MFHAS1: variants seen among roughly 807,000 people sequenced by gnomAD.
MFHAS1 encodes malignant fibrous histiocytoma-amplified sequence 1.
A neutral mutation model predicts 70.4 loss-of-function variants in MFHAS1; 50 were observed. The ratio of observed to expected loss-of-function variants is 0.71; its 90% CI spans 0.57 to 0.90. The LOEUF (loss-of-function observed/expected upper bound fraction) is 0.90. Ranked by LOEUF, MFHAS1 falls within the 40% of genes least tolerant of loss-of-function variation. The pLI, the probability that MFHAS1 is intolerant of heterozygous loss-of-function variation, is 0.00. For missense variants in MFHAS1, 1,795 were observed against 1,347.6 expected (o/e 1.33, Z -5.20); for synonymous variants, 952 against 620.0 (o/e 1.54, Z -7.96).
At chr8:8,794,422 G>C (rs1805823963) in intron 2 of MFHAS1, among the ~76,000 whole-genome samples, 1 of 152,136 alleles carries the variant, frequency 6.6e-6, no homozygotes, top group South Asian at 2.1e-4. Context: ...CCATGAATGG[G>C]ACCTTCCCCG....
intron 1 of MFHAS1, among the ~76,000 whole-genome samples, chr8:8,853,058 C>G (rs920536250): frequency 6.6e-6 from 1 of 152,170 alleles, no homozygotes; most frequent in Non-Finnish European, 1.5e-5. Context: ...GCAGCAACTG[C>G]CTGGCTCAGT....
intron 2 of MFHAS1, among the ~76,000 whole-genome samples, chr8:8,796,438 C>G (rs1384399649): frequency 1.3e-5 from 2 of 152,228 alleles, no homozygotes; most frequent in Non-Finnish European, 2.9e-5. Flanking sequence ...AATCCCAGCA[C>G]TTTGGGAGGC....
At chr8:8,874,441 G>A (rs998027780) in intron 1 of MFHAS1, among the ~76,000 whole-genome samples, 3 of 151,974 alleles carry the variant, frequency 2.0e-5, no homozygotes, top group South Asian at 2.1e-4. Context: ...ATTTTGAAGT[G>A]ATCAAATGCG....
intron 1 of MFHAS1, among the ~76,000 whole-genome samples, chr8:8,865,346 A>G (rs1480122423): frequency 6.6e-6 from 1 of 151,854 alleles, no homozygotes; most frequent in Non-Finnish European, 1.5e-5. Context: ...TTATTTCCCC[A>G]TAAAAACCTA....
chr8:8,787,937 A>C (rs1014885974), intron 2 of MFHAS1, among the ~76,000 whole-genome samples: 1 of 152,206 alleles, frequency 6.6e-6, no homozygotes, highest in Non-Finnish European at 1.5e-5. Context: ...ATCTTAGAGA[A>C]AACAACCATC....
intron 1 of MFHAS1, among the ~76,000 whole-genome samples, chr8:8,848,019 C>T (rs1317570086): frequency 6.6e-6 from 1 of 152,210 alleles, no homozygotes; most frequent in African/African-American, 2.4e-5. Flanking sequence ...TTTCCCCATC[C>T]TAGGATAAAA....
intron 2 of MFHAS1, 69 bp downstream of exon 2, chr8:8,797,296 T>TTG: frequency 1.9e-6 from 3 of 1,565,750 alleles, no homozygotes; most frequent in Non-Finnish European, 2.6e-6. Flanking sequence ...ACCTGGATTT[T>TTG]TGTGGTCATA....
At chr8:8,870,427 C>T (rs1336317996) in intron 1 of MFHAS1, among the ~76,000 whole-genome samples, 1 of 152,096 alleles carries the variant, frequency 6.6e-6, no homozygotes, top group Non-Finnish European at 1.5e-5. Flanking sequence ...AATCGCGCCA[C>T]CTCACTCCAG....
intron 1 of MFHAS1, among the ~76,000 whole-genome samples, chr8:8,810,037 AAGTAC>A (rs1806488978): frequency 6.6e-6 from 1 of 152,196 alleles, no homozygotes; most frequent in African/African-American, 2.4e-5. Context: ...CCTGACTTTG[AAGTAC>A]TAAGGGGAAT....
chr8:8,807,172 A>C (rs1806320990), intron 1 of MFHAS1, among the ~76,000 whole-genome samples: 1 of 152,192 alleles, frequency 6.6e-6, no homozygotes, highest in South Asian at 2.1e-4. Flanking sequence ...CCACAAGGGC[A>C]GGGACTATTC....
chr8:8,788,714 G>C (rs1467214936), intron 2 of MFHAS1, among the ~76,000 whole-genome samples: 1 of 152,200 alleles, frequency 6.6e-6, no homozygotes, highest in African/African-American at 2.4e-5. Context: ...GAGACATGAA[G>C]AACAGAGTGA....
chr8:8,812,909 G>T (rs1388372489), intron 1 of MFHAS1, among the ~76,000 whole-genome samples: 1 of 152,174 alleles, frequency 6.6e-6, no homozygotes, highest in African/African-American at 2.4e-5. Flanking sequence ...TGGGGTTACA[G>T]GCGTGCACCA....
At chr8:8,883,961 G>A (rs1034918479) in intron 1 of MFHAS1, among the ~76,000 whole-genome samples, 1 of 150,092 alleles carries the variant, frequency 6.7e-6, no homozygotes, top group Non-Finnish European at 1.5e-5. Context: ...ATTTTGGGAG[G>A]CTGAGTGGGG....
chr8:8,868,618 T>C (rs1186825906), intron 1 of MFHAS1, among the ~76,000 whole-genome samples: 5 of 152,114 alleles, frequency 3.3e-5, no homozygotes, highest in Admixed American at 2.6e-4. Context: ...TTATGGAAGA[T>C]GAGGCCGCTC....
Position 8,890,072 on chromosome 8 carries a change from T to A in MFHAS1, c.2987A>T (p.His996Leu). The A allele has an allele frequency of 6.3e-7, 1 of 1,595,898 alleles. No homozygotes were observed. Among genetic ancestry groups the A allele is most frequent in the East Asian group, 2.2e-5 (1 of 44,558 alleles). ...KCLKRGSPNP[H>L]AFPGELLSQP... The stretch of plus-strand genomic sequence containing the variant: ...CTCTCTCCACTTACCTGGAAAAGCA[T>A]GTGGATTGGGCGATCCTCTCTTAAG... The change falls in exon 1 of 3, where the codon CAT (histidine) becomes CTT (leucine). Residue 996 changes from histidine to leucine, a missense_variant. By Grantham distance (99) the His-to-Leu change is moderately conservative. Transcript: ENST00000276282.
chr8:8,805,705 C>T (rs28399241), intron 1 of MFHAS1, among the ~76,000 whole-genome samples: 99,177 of 151,958 alleles, frequency 0.65, 33,077 homozygotes, highest in East Asian at 0.83. Flanking sequence ...TTTTGTTTTG[C>T]TTTCTTTTTT....
At chr8:8,812,208 G>C (rs1239459247) in intron 1 of MFHAS1, among the ~76,000 whole-genome samples, 2 of 152,098 alleles carry the variant, frequency 1.3e-5, no homozygotes, top group Non-Finnish European at 2.9e-5. Flanking sequence ...CTGAATCGTA[G>C]TTGCAAATGG....
rs10660555 is a variant in MFHAS1 at position 8,884,041 on chromosome 8, AACACACACACACACACACACAC to A, written c.2998+5998_2998+6019del. Reference sequence around the variant, plus strand: ...AAAAAGGCCCTATCTCTATTTCACAAACACACACACACACACACACACACACACACACACACACACAAAAAGA... The same window carrying A: ...AAAAAGGCCCTATCTCTATTTCACAAACACACACACACACACACAAAAAGA... On this transcript the variant is annotated intron_variant, in intron 1 of 2. Coordinates refer to ENST00000276282, the MANE Select transcript of MFHAS1 (RefSeq NM_004225.3). Among the ~76,000 whole-genome samples the A allele has an allele frequency of 2.5e-4, 34 of 134,174 alleles. No individual in the cohort carries two copies. The East Asian group carries it at 2.8e-3, about 11-fold the overall frequency. 88.0% of individuals were successfully genotyped at this position (134,174 alleles called of 152,430 possible).
intron 1 of MFHAS1, among the ~76,000 whole-genome samples, chr8:8,861,581 A>C (rs751744084): frequency 1.4e-4 from 21 of 152,244 alleles, no homozygotes; most frequent in Non-Finnish European, 2.1e-4. Context: ...ACAAGATATA[A>C]TAAAGGCATT....
Sources: allele counts gnomAD v4.1 joint callset (sites outside exome capture counted in the v4.1 genomes callset), GRCh38; gene constraint gnomAD v4.1.1; transcripts MANE v1.5; gene names NCBI Gene and HGNC (gene_info 2026-07-23, HGNC 2026-07-21).